Variants in IFFO2 observed in about 807,000 individuals in gnomAD.
The protein encoded by IFFO2 is intermediate filament family orphan 2.
IFFO2 carries 19 observed loss-of-function variants against 53.5 expected under a neutral mutation model. The observed-to-expected ratio is 0.36, with a 90% CI of 0.25 to 0.52. The LOEUF (loss-of-function observed/expected upper bound fraction) is 0.52. Among genes scored for constraint, IFFO2 ranks in the 20% least tolerant of loss-of-function variants. IFFO2 has a pLI of 0.94. For missense variants in IFFO2, 570 were observed against 727.4 expected (o/e 0.78, Z 2.49); for synonymous variants, 303 against 313.6 (o/e 0.97, Z 0.36).
chr1:18,914,696 G>A (rs1936105423), intron 5 of IFFO2, among the ~76,000 whole-genome samples: 1 of 151,978 alleles, frequency 6.6e-6, no homozygotes, highest in African/African-American at 2.4e-5. Flanking sequence ...GGTGGTGTGT[G>A]CCTGTAGTCT....
chr1:18,925,808 T>TTGGA (rs61077772), intron 1 of IFFO2, among the ~76,000 whole-genome samples: 1,089 of 49,490 alleles, frequency 0.022, 31 homozygotes, highest in Non-Finnish European at 0.027. Flanking sequence ...GATGGATTGG[T>TTGGA]TGGATGGATG....
chr1:18,908,178 C>A lies in IFFO2; in HGVS notation c.*383G>T. On this transcript the variant is annotated 3_prime_UTR_variant, in exon 9 of 9. Coordinates refer to ENST00000455833, the MANE Select transcript of IFFO2 (RefSeq NM_001136265.2). The stretch of plus-strand genomic sequence containing the variant: ...GGCAGAAACCACATTACACCACGGC[C>A]GGTTGGCCCGGCCCTCAGCTTAGAG... 4.3e-6 allele frequency: 1 copy of A among 230,688 alleles called. No homozygotes were observed. The highest frequency in any genetic ancestry group is 8.9e-6 in the Non-Finnish European group (1 of 112,446). The allele number at this position is 230,688 out of a possible 1,614,324, so 14.3% of individuals were successfully genotyped here.
Position 18,919,912 on chromosome 1 carries a change from G to A in IFFO2, c.727-139C>T, listed in dbSNP as rs1199527564. The A allele has an allele frequency of 1.6e-6, 1 of 618,848 alleles. No individual in the cohort carries two copies. Among genetic ancestry groups the A allele is most frequent in the Non-Finnish European group, 2.9e-6 (1 of 347,086 alleles). 38.3% of individuals were successfully genotyped at this position (618,848 alleles called of 1,614,324 possible). On this transcript the variant is annotated intron_variant, in intron 2 of 8. Coordinates refer to ENST00000455833, the MANE Select transcript of IFFO2 (RefSeq NM_001136265.2). The surrounding 1 kb of genome is among the most constrained non-coding windows in gnomAD (Gnocchi z 4.9). ...CTGCAGCCAGGGAAGGGGCACCAAG[G>A]ACCTCATCCCAGCCTGACTTCCCAC...
At chr1:18,927,514 G>A (rs75721785) in intron 1 of IFFO2, among the ~76,000 whole-genome samples, 2,119 of 152,350 alleles carry the variant, frequency 0.014, 44 homozygotes, top group East Asian at 0.11. Context: ...GGATGCAGGT[G>A]GCCAGGGAGC....
At position 18,919,433 on chromosome 1, in the gene IFFO2, C is replaced by T. The variant is rs370866143; in HGVS notation, c.822+245G>A. Among the ~76,000 whole-genome samples the T allele has an allele frequency of 1.1e-4, 15 of 138,750 alleles. No homozygotes were observed. Among genetic ancestry groups the T allele is most frequent in the East Asian group, 4.8e-4 (2 of 4,174 alleles). 91.0% of individuals were successfully genotyped at this position (138,750 alleles called of 152,430 possible). ...ACCATCAGGGGAGCCCGGGGGAGGG[C>T]GGGATAGGTTAAGCGGCAGATTAAT... On this transcript the variant is annotated intron_variant, in intron 3 of 8. Transcript: ENST00000455833. This position sits in a 1 kb window ranked among gnomAD's most constrained non-coding sequence, Gnocchi z 4.9.
At chr1:18,910,904 T>C (rs562081804) in intron 7 of IFFO2, among the ~76,000 whole-genome samples, 1 of 152,378 alleles carries the variant, frequency 6.6e-6, no homozygotes, top group South Asian at 2.1e-4. Flanking sequence ...CTATCGTTTA[T>C]AGAAGTGATC....
chr1:18,922,153 C>A (rs1479522578), intron 1 of IFFO2, among the ~76,000 whole-genome samples: 1 of 152,180 alleles, frequency 6.6e-6, no homozygotes, highest in Non-Finnish European at 1.5e-5. Flanking sequence ...TGGGGACGCT[C>A]CAGACTGGTT....
In IFFO2 at chr1:18,918,393, C is replaced by T. The variant is rs977309634; in HGVS notation, c.932G>A (p.Arg311Gln). 18 of 1,552,638 alleles carry T rather than the reference C, an allele frequency of 1.2e-5. No homozygotes were observed. In the Admixed American group the frequency reaches 1.8e-4, roughly 15 times the overall value. ...GATCTTGGACACGTCTTCTGAGTTC[C>T]GCTGCTGTGCGACATCGCACAGCTT... ...TAKLCDVAQQRNSEDVSKIFQ... is the reference protein window; with the variant it reads ...TAKLCDVAQQQNSEDVSKIFQ... Residue 311 changes from arginine (R) to glutamine (Q), a missense_variant, in exon 4 of 9, where the codon CGG becomes CAG. By Grantham distance (43) the Arg-to-Gln change is conservative. Transcript: ENST00000455833. This position sits in a 1 kb window ranked among gnomAD's most constrained non-coding sequence, Gnocchi z 5.2.
chr1:18,943,236 G>C (rs1032157832), intron 1 of IFFO2, among the ~76,000 whole-genome samples: 6 of 151,998 alleles, frequency 3.9e-5, no homozygotes, highest in African/African-American at 1.5e-4. Flanking sequence ...AAAATTAGCT[G>C]GGTGTAGTGG....
At chr1:18,950,730 C>T (rs1936649374) in intron 1 of IFFO2, among the ~76,000 whole-genome samples, 1 of 152,162 alleles carries the variant, frequency 6.6e-6, no homozygotes, top group Non-Finnish European at 1.5e-5. Context: ...CATTCAGGGG[C>T]CAGCACCCAC....
In IFFO2 at chr1:18,936,495, G is replaced by A. The variant is rs1043237886; in HGVS notation, c.666-15374C>T. 1.3e-5 allele frequency among the ~76,000 whole-genome samples: 2 copies of A among 152,220 alleles called. No individual in the cohort carries two copies. Among genetic ancestry groups the A allele is most frequent in the African/African-American group, 4.8e-5 (2 of 41,456 alleles). On this transcript the variant is annotated intron_variant, in intron 1 of 8. Transcript: ENST00000455833. This position sits in a 1 kb window ranked among gnomAD's most constrained non-coding sequence, Gnocchi z 4.5. ...TTTGGGCACTCAGGTCAAGAGGCAG[G>A]AGGCCCAGGGGGTCTGTGCCCAGGA...
intron 1 of IFFO2, among the ~76,000 whole-genome samples, chr1:18,933,773 A>T (rs1297580045): frequency 6.6e-6 from 1 of 152,066 alleles, no homozygotes; most frequent in Non-Finnish European, 1.5e-5. Flanking sequence ...TAAATAAATA[A>T]ATAAACCATA....
Position 18,955,747 on chromosome 1 carries a change from C to T in IFFO2, c.586G>A (p.Asp196Asn). 6.3e-7 allele frequency: 1 copy of T among 1,582,050 alleles called. No individual in the cohort carries two copies. The change falls in exon 1 of 9, where the codon GAC becomes AAC. Residue 196 changes from aspartate (D) to asparagine (N), a missense_variant. Asp to Asn is a conservative substitution (Grantham distance 23, BLOSUM62 1). Transcript: ENST00000455833. ...GCGCGGATCTCCGGCGTGATGGTGT[C>T]GATCTGCACGCCCACGCCGTCGGGG... ...VHPDGVGVQI[D>N]TITPEIRALY... is the part of the protein sequence containing the mutation.
chr1:18,916,848 C>T lies in IFFO2; in HGVS notation c.1103+55G>A, dbSNP rs1936139371. On this transcript the variant is annotated intron_variant, in intron 5 of 8. Coordinates refer to ENST00000455833, the MANE Select transcript of IFFO2 (RefSeq NM_001136265.2). This position sits in a 1 kb window ranked among gnomAD's most constrained non-coding sequence, Gnocchi z 4.3. Reference sequence around the variant, plus strand: ...TCAGCCCAAGCCTCCCATTCACCGCCCCTGTGCAAGCAATCCGGGGAAACG... The same window carrying T: ...TCAGCCCAAGCCTCCCATTCACCGCTCCTGTGCAAGCAATCCGGGGAAACG... 1 of 1,543,462 alleles carries T rather than the reference C, an allele frequency of 6.5e-7. No individual in the cohort carries two copies. The highest frequency in any genetic ancestry group is 8.8e-7 in the Non-Finnish European group (1 of 1,141,058).
At chr1:18,914,583 A>C (rs66465251) in intron 5 of IFFO2, among the ~76,000 whole-genome samples, 1 of 152,014 alleles carries the variant, frequency 6.6e-6, no homozygotes, top group Non-Finnish European at 1.5e-5. Flanking sequence ...TCGGGAGGCC[A>C]AGGTGGGCGG....
chr1:18,935,664 G>A (rs1936438416), intron 1 of IFFO2, among the ~76,000 whole-genome samples: 1 of 150,106 alleles, frequency 6.7e-6, no homozygotes, highest in South Asian at 2.1e-4. Flanking sequence ...GGTCTCCTCT[G>A]CTTAACTCAT....
At chr1:18,922,262 G>A (rs1339880018) in intron 1 of IFFO2, among the ~76,000 whole-genome samples, 1 of 152,144 alleles carries the variant, frequency 6.6e-6, no homozygotes, top group Admixed American at 6.5e-5. Context: ...CCTCCCTGGA[G>A]GAAGCTGGGG....
At chr1:18,949,436 C>T (rs1352819890) in intron 1 of IFFO2, among the ~76,000 whole-genome samples, 1 of 152,256 alleles carries the variant, frequency 6.6e-6, no homozygotes, top group Non-Finnish European at 1.5e-5. Context: ...AAAAGCAACA[C>T]ATCCCTAATC....
intron 1 of IFFO2, among the ~76,000 whole-genome samples, chr1:18,921,576 T>C (rs572363822): frequency 7.9e-5 from 12 of 152,366 alleles, no homozygotes; most frequent in African/African-American, 2.9e-4. Context: ...AGCATTGCGA[T>C]GCCCGACAGC....
Sources: gnomAD v4.1 joint callset for allele counts (sites outside exome capture counted in the v4.1 genomes callset) on GRCh38, gnomAD v4.1.1 for gene constraint, Gnocchi (gnomAD v3.1) non-coding constraint, MANE v1.5 for transcripts, NCBI Gene and HGNC (gene_info 2026-07-23, HGNC 2026-07-21) for gene names.